MEIS2: variants seen among roughly 807,000 people sequenced by gnomAD.
MEIS2 encodes the protein homeobox protein Meis2.
In MEIS2, 9 loss-of-function variants were observed where a neutral mutation model predicts 58.6. The observed-to-expected ratio is 0.15, with a 90% CI of 0.09 to 0.27. The LOEUF (loss-of-function observed/expected upper bound fraction) is 0.27. MEIS2 is among the 10% of genes least tolerant of loss of function. The pLI is 1.00. For synonymous variants in MEIS2, 221 were observed against 228.4 expected, an observed-to-expected ratio of 0.97 and a Z score of 0.29; for missense variants, 427 against 635.0, an observed-to-expected ratio of 0.67 and a Z score of 3.52.
intron 8 of MEIS2, among the ~76,000 whole-genome samples, chr15:37,008,662 G>A (rs1191455214): frequency 6.6e-6 from 1 of 152,108 alleles, no homozygotes; most frequent in African/African-American, 2.4e-5. Flanking sequence ...ACTGCTAAAA[G>A]GTAAAAGTTT....
intron 7 of MEIS2, among the ~76,000 whole-genome samples, chr15:37,051,943 T>G (rs1324161716): frequency 1.3e-5 from 2 of 151,524 alleles, no homozygotes; most frequent in Non-Finnish European, 2.9e-5. Context: ...AATGTCATTA[T>G]AAGATATATT....
At chr15:36,903,044 T>C (rs1195434051) in intron 9 of MEIS2, among the ~76,000 whole-genome samples, 1 of 152,194 alleles carries the variant, frequency 6.6e-6, no homozygotes, top group African/African-American at 2.4e-5. Flanking sequence ...CTTATTTGAC[T>C]AAGGTTTATA....
chr15:37,089,234 C>G (rs926122251), intron 6 of MEIS2, among the ~76,000 whole-genome samples: 3 of 152,102 alleles, frequency 2.0e-5, no homozygotes, highest in Non-Finnish European at 4.4e-5. Context: ...ACATAAGAAA[C>G]TAGCAAATAA....
chr15:37,068,075 A>G (rs1297394057), intron 7 of MEIS2, among the ~76,000 whole-genome samples: 2 of 152,192 alleles, frequency 1.3e-5, no homozygotes, highest in Non-Finnish European at 2.9e-5. Flanking sequence ...TGAGACAGGC[A>G]TGGTTAACTC....
chr15:36,976,736 A>G (rs1383226060), intron 8 of MEIS2, among the ~76,000 whole-genome samples: 1 of 152,164 alleles, frequency 6.6e-6, no homozygotes, highest in African/African-American at 2.4e-5. Flanking sequence ...AATATGATCA[A>G]TGGAGACATG....
At chr15:37,065,097 T>G (rs1225635810) in intron 7 of MEIS2, among the ~76,000 whole-genome samples, 1 of 152,182 alleles carries the variant, frequency 6.6e-6, no homozygotes, top group African/African-American at 2.4e-5. Flanking sequence ...AACTAGAGAT[T>G]AGAAGTACTT....
rs1174019470 is a variant in MEIS2, at chr15:36,969,047, AT to A, written c.901-18648del. 2.0e-5 allele frequency among the ~76,000 whole-genome samples: 3 copies of A among 152,208 alleles called. No individual in the cohort carries two copies. The South Asian group carries it at 6.2e-4, about 31-fold the overall frequency. The stretch of plus-strand genomic sequence containing the variant: ...TTTTTGTTAAAGACATTTGAAGAAT[AT>A]TCTATGACATTGCAGTCATTTTTAC... On this transcript the variant is annotated intron_variant, in intron 8 of 11. Coordinates refer to ENST00000561208, the MANE Select transcript of MEIS2 (RefSeq NM_170675.5).
At chr15:37,041,858 A>T (rs2062436659) in intron 7 of MEIS2, among the ~76,000 whole-genome samples, 1 of 152,226 alleles carries the variant, frequency 6.6e-6, no homozygotes, top group Non-Finnish European at 1.5e-5. Flanking sequence ...GAAAATTCTC[A>T]TTCATAAAAT....
At chr15:37,056,061 TAGTC>T (rs2141825094) in intron 7 of MEIS2, among the ~76,000 whole-genome samples, 1 of 152,336 alleles carries the variant, frequency 6.6e-6, no homozygotes, top group Non-Finnish European at 1.5e-5. Context: ...CTTTACTAAT[TAGTC>T]AGGATGAGCC....
At chr15:37,042,823 C>G (rs974984538) in intron 7 of MEIS2, among the ~76,000 whole-genome samples, 1 of 152,136 alleles carries the variant, frequency 6.6e-6, no homozygotes, top group Non-Finnish European at 1.5e-5. Context: ...TGGTTTAACA[C>G]AGTCCAAGTG....
intron 7 of MEIS2, among the ~76,000 whole-genome samples, chr15:37,061,711 G>C (rs1889243227): frequency 6.6e-6 from 1 of 152,060 alleles, no homozygotes; most frequent in African/African-American, 2.4e-5. Flanking sequence ...ATAAAAGGAG[G>C]CAGGAATTCT....
intron 8 of MEIS2, among the ~76,000 whole-genome samples, chr15:37,034,598 C>CCTG (rs2062069714): frequency 6.6e-6 from 1 of 152,168 alleles, no homozygotes; most frequent in Non-Finnish European, 1.5e-5. Flanking sequence ...TGGGTGCCGC[C>CCTG]CTGGGCAGGG....
At chr15:36,995,611 GTT>G (rs11384225) in intron 8 of MEIS2, among the ~76,000 whole-genome samples, 1 of 135,054 alleles carries the variant, frequency 7.4e-6, no homozygotes, top group African/African-American at 2.8e-5. Context: ...TTTCATTAGG[GTT>G]TTTTTTTTTC....
intron 4 of MEIS2, 56 bp from the exon 5 acceptor site, chr15:37,094,633 T>G: frequency 6.5e-7 from 1 of 1,535,692 alleles, no homozygotes; most frequent in Non-Finnish European, 8.9e-7. Flanking sequence ...AGGTCCTGTC[T>G]TGGGGTTGGG....
chr15:36,909,768 CTG>C (rs1214182847), intron 9 of MEIS2, among the ~76,000 whole-genome samples: 1 of 138,470 alleles, frequency 7.2e-6, no homozygotes, highest in Non-Finnish European at 1.5e-5. Context: ...CGGGACATAA[CTG>C]TACTGGGGAT....
intron 8 of MEIS2, 30 bp downstream of exon 8, chr15:37,036,784 A>ATTTTTTTTT: frequency 1.4e-6 from 2 of 1,479,162 alleles, no homozygotes; most frequent in Non-Finnish European, 1.8e-6. Context: ...AACAAAAACT[A>ATTTTTTTTT]TTTTTTTTTT....
At position 36,894,645 on chromosome 15, in the gene MEIS2, G is replaced by C; in HGVS notation, c.1147+506C>G. 6.3e-6 allele frequency: 8 copies of C among 1,276,538 alleles called. No homozygotes were observed. In the South Asian group the frequency reaches 1.0e-4, roughly 16 times the overall value. 79.1% of individuals were successfully genotyped at this position (1,276,538 alleles called of 1,614,324 possible). ...TTATGGGCAAGGAAAAATAAAATGGGGGCAAATTATAAAAAATAAAATAAA... is the reference window on the plus strand; with the variant it reads ...TTATGGGCAAGGAAAAATAAAATGGCGGCAAATTATAAAAAATAAAATAAA... On this transcript the variant is annotated intron_variant, in intron 11 of 11. Coordinates refer to ENST00000561208, the MANE Select transcript of MEIS2 (RefSeq NM_170675.5).
chr15:37,074,270 C>A lies in MEIS2; in HGVS notation c.754+9501G>T, dbSNP rs190100660. 3.2e-3 allele frequency among the ~76,000 whole-genome samples: 493 copies of A among 152,016 alleles called. 4 individuals carry two copies. The highest frequency in any genetic ancestry group is 0.012 in the African/African-American group (479 of 41,498). On this transcript the variant is annotated intron_variant, in intron 7 of 11. Coordinates refer to ENST00000561208, the MANE Select transcript of MEIS2 (RefSeq NM_170675.5). ...TATCTGAATTGTGGCATTCCACTAT[C>A]CTCAGAAAATAAACTCTAATGCCTA...
At chr15:37,049,770 A>G (rs1347185872) in intron 7 of MEIS2, among the ~76,000 whole-genome samples, 1 of 148,358 alleles carries the variant, frequency 6.7e-6, no homozygotes, top group Admixed American at 6.7e-5. Flanking sequence ...TACAGGCGTG[A>G]GCCACCGCAG....
Sources: allele counts gnomAD v4.1 joint callset (sites outside exome capture counted in the v4.1 genomes callset), GRCh38; gene constraint gnomAD v4.1.1; transcripts MANE v1.5; gene names NCBI Gene and HGNC (gene_info 2026-07-23, HGNC 2026-07-21).